Variants in BET1 observed in about 807,000 individuals in gnomAD.
BET1 encodes Bet1 golgi vesicular membrane trafficking protein.
In BET1, 9 loss-of-function variants were observed where a neutral mutation model predicts 13.9. The ratio of observed to expected loss-of-function variants is 0.65; its 90% confidence interval spans 0.39 to 1.13. The LOEUF (loss-of-function observed/expected upper bound fraction) is 1.13, where lower values mean the gene tolerates loss of function less well. Among genes scored for constraint, BET1 ranks in the 50% most tolerant of loss-of-function variants. BET1 has a pLI of 0.01. For synonymous variants in BET1, 39 were observed against 47.3 expected, an observed-to-expected ratio of 0.82 and a Z score of 0.72; for missense variants, 127 against 133.6, an observed-to-expected ratio of 0.95 and a Z score of 0.24.
At chr7:93,963,790 T>C (rs1329207978) in exon 7 of BET1, 1 of 151,962 alleles carries the variant, frequency 6.6e-6, no homozygotes, top group South Asian at 2.1e-4. Context: ...TTAAAAAAAA[T>C]TGAAAAAAGG....
chr7:93,971,049 T>C (rs1256604819), intron 6 of BET1, among the ~76,000 whole-genome samples: 1 of 151,826 alleles, frequency 6.6e-6, no homozygotes, highest in African/African-American at 2.4e-5. Flanking sequence ...ATTTATGTTA[T>C]TATGTTATTA....
intron 5 of BET1, among the ~76,000 whole-genome samples, chr7:93,974,683 T>G (rs1175503092): frequency 6.6e-6 from 1 of 151,964 alleles, no homozygotes; most frequent in East Asian, 1.9e-4. Flanking sequence ...AGAAAAAGAT[T>G]CCAATTAATA....
chr7:93,997,008 G>GA (rs1412796851), intron 2 of BET1, among the ~76,000 whole-genome samples: 1 of 151,530 alleles, frequency 6.6e-6, no homozygotes, highest in Non-Finnish European at 1.5e-5. Context: ...ATAATAAATT[G>GA]AAAAAAATAA....
chr7:93,993,385 T>C lies in BET1; in HGVS notation c.*845A>G, dbSNP rs895040616. The C allele has an allele frequency of 5.1e-6, 5 of 976,216 alleles. No individual in the cohort carries two copies. Among genetic ancestry groups the C allele is most frequent in the Non-Finnish European group, 6.1e-6 (5 of 821,212 alleles). 60.5% of individuals were successfully genotyped at this position (976,216 alleles called of 1,614,324 possible). On this transcript the variant is annotated 3_prime_UTR_variant, in exon 4 of 4. Coordinates refer to ENST00000222547, the MANE Select transcript of BET1 (RefSeq NM_005868.6). ...TTGTGTTTTTCTTTCCATAAACAAA[T>C]ACACTGGATTAAAGCAATAATACTC... is the stretch of plus-strand genomic sequence containing the variant.
intron 4 of BET1, among the ~76,000 whole-genome samples, chr7:93,986,990 C>G (rs1282616238): frequency 6.6e-6 from 1 of 151,780 alleles, no homozygotes; most frequent in African/African-American, 2.4e-5. Flanking sequence ...GTAGAACATA[C>G]CATGTAGGTT....
intron 6 of BET1, among the ~76,000 whole-genome samples, chr7:93,967,775 T>C (rs1232350338): frequency 1.3e-5 from 2 of 151,812 alleles, no homozygotes; most frequent in Non-Finnish European, 2.9e-5. Flanking sequence ...TAATTTATTA[T>C]ATAAACCATC....
chr7:93,966,265 A>G (rs1795170733), intron 6 of BET1, among the ~76,000 whole-genome samples: 1 of 151,978 alleles, frequency 6.6e-6, no homozygotes, highest in Admixed American at 6.6e-5. Context: ...CTCTTCCAAG[A>G]AGTGCTTGCT....
At chr7:93,979,837 C>G (rs1235456959) in intron 4 of BET1, among the ~76,000 whole-genome samples, 1 of 151,960 alleles carries the variant, frequency 6.6e-6, no homozygotes, top group Admixed American at 6.6e-5. Flanking sequence ...TGACTAGACT[C>G]AATGTACTCT....
chr7:93,971,532 T>C (rs1456056216), intron 6 of BET1, among the ~76,000 whole-genome samples: 1 of 151,780 alleles, frequency 6.6e-6, no homozygotes, highest in Non-Finnish European at 1.5e-5. Context: ...AATATGCTTC[T>C]GCTGAATCTA....
At chr7:93,982,975 C>G (rs1795453539) in intron 4 of BET1, among the ~76,000 whole-genome samples, 2 of 152,080 alleles carry the variant, frequency 1.3e-5, no homozygotes, top group African/African-American at 4.8e-5. Flanking sequence ...TGACCCTACA[C>G]TAGGGAAAGA....
At chr7:93,998,225 C>A (rs1045795450) in intron 2 of BET1, among the ~76,000 whole-genome samples, 3 of 152,194 alleles carry the variant, frequency 2.0e-5, no homozygotes, top group African/African-American at 4.8e-5. Context: ...TTTAATCAAG[C>A]TACGAAGCAT....
downstream of BET1, among the ~76,000 whole-genome samples, chr7:93,990,885 T>C (rs529314484): frequency 3.3e-5 from 5 of 152,242 alleles, no homozygotes; most frequent in African/African-American, 1.2e-4. Context: ...TCTCTTCATT[T>C]TGAAGATTAA....
At chr7:94,003,662 G>A (rs1425080654) in intron 1 of BET1, among the ~76,000 whole-genome samples, 1 of 152,128 alleles carries the variant, frequency 6.6e-6, no homozygotes, top group Admixed American at 6.5e-5. Context: ...CGTGGCACAA[G>A]GTTCAGATTA....
intron 4 of BET1, among the ~76,000 whole-genome samples, chr7:93,977,126 GA>G (rs1379249790): frequency 2.6e-5 from 4 of 152,044 alleles, no homozygotes; most frequent in Non-Finnish European, 5.9e-5. Context: ...TCATAATCTG[GA>G]TGAAGTTTCG....
At chr7:93,976,768 CACCCATT>C (rs1795343462) in intron 4 of BET1, among the ~76,000 whole-genome samples, 1 of 151,988 alleles carries the variant, frequency 6.6e-6, no homozygotes, top group Non-Finnish European at 1.5e-5. Context: ...GATTTTGGTG[CACCCATT>C]ACCTGAGCAG....
At chr7:93,999,348 T>C (rs965068516) in intron 1 of BET1, 54 bp from the exon 2 acceptor site, 11 of 1,552,842 alleles carry the variant, frequency 7.1e-6, no homozygotes, top group Non-Finnish European at 8.7e-6. Context: ...TTTGAAACAC[T>C]GTTAGTTAGG....
chr7:93,964,567 G>A (rs1451714327), exon 7 of BET1: 1 of 151,920 alleles, frequency 6.6e-6, no homozygotes, highest in Non-Finnish European at 1.5e-5. Context: ...ATAGCACTGC[G>A]ATGAACATAT....
At chr7:93,982,069 T>C (rs955102573) in intron 4 of BET1, among the ~76,000 whole-genome samples, 7 of 152,116 alleles carry the variant, frequency 4.6e-5, no homozygotes, top group Non-Finnish European at 4.4e-5. Flanking sequence ...GCTTTATTGC[T>C]TAATTGTAGT....
At chr7:93,995,098 A>G (rs1294923523) in intron 3 of BET1, among the ~76,000 whole-genome samples, 1 of 152,188 alleles carries the variant, frequency 6.6e-6, no homozygotes, top group African/African-American at 2.4e-5. Context: ...CGCCCACCTC[A>G]TCCTCCCAAA....
Sources: allele counts gnomAD v4.1 joint callset (sites outside exome capture counted in the v4.1 genomes callset), GRCh38; gene constraint gnomAD v4.1.1; transcripts MANE v1.5; gene names NCBI Gene and HGNC (gene_info 2026-07-23, HGNC 2026-07-21).